ESRRG: variants seen among roughly 807,000 people sequenced by gnomAD.
ESRRG encodes the protein estrogen related receptor gamma.
Under a neutral mutation model 44.0 loss-of-function variants are expected in ESRRG, and 13 were observed. The ratio of observed to expected loss-of-function variants is 0.30; its 90% CI spans 0.19 to 0.47. The LOEUF is 0.47. ESRRG is among the 20% of genes least tolerant of loss of function. The pLI, the probability that ESRRG is intolerant of heterozygous loss-of-function variation, is 1.00. For missense variants in ESRRG, 395 were observed against 580.6 expected (o/e 0.68, Z 3.29); for synonymous variants, 215 against 214.6 (o/e 1.00, Z -0.02).
At chr1:217,115,589 G>C (rs1580614315) in intron 1 of ESRRG, among the ~76,000 whole-genome samples, 1 of 152,038 alleles carries the variant, frequency 6.6e-6, no homozygotes, top group African/African-American at 2.4e-5. Flanking sequence ...TGTACTTGCT[G>C]TCCTCTCTAT....
intron 1 of ESRRG, among the ~76,000 whole-genome samples, chr1:217,133,657 T>TTCTTTCTTTCTCTCTCTCTC (rs2093004418): frequency 1.7e-5 from 1 of 59,064 alleles, no homozygotes. Flanking sequence ...CTTTCTTTCT[T>TTCTTTCTTTCTCTCTCTCTC]TCTTTCTTTC....
chr1:216,718,003 T>C (rs1439282201), intron 1 of ESRRG, among the ~76,000 whole-genome samples: 1 of 151,874 alleles, frequency 6.6e-6, no homozygotes, highest in African/African-American at 2.4e-5. Flanking sequence ...TTCTTTCCTA[T>C]TTTACAAATT....
intron 1 of ESRRG, among the ~76,000 whole-genome samples, chr1:217,131,281 A>T (rs2092961896): frequency 2.0e-5 from 3 of 152,360 alleles, no homozygotes. Context: ...GTCTATTTAA[A>T]GGTTAATATG....
At chr1:217,029,125 G>A (rs545320523) in intron 1 of ESRRG, among the ~76,000 whole-genome samples, 13 of 152,044 alleles carry the variant, frequency 8.6e-5, no homozygotes, top group African/African-American at 3.1e-4. Context: ...TTTTGGCCAT[G>A]ACTTACCTGT....
chr1:217,005,123 G>A (rs1376690040), intron 1 of ESRRG, among the ~76,000 whole-genome samples: 1 of 152,174 alleles, frequency 6.6e-6, no homozygotes, highest in Non-Finnish European at 1.5e-5. Flanking sequence ...CCAAAGAGAT[G>A]TCTTAGTTAG....
At chr1:217,029,247 C>T (rs2081672340) in intron 1 of ESRRG, among the ~76,000 whole-genome samples, 2 of 152,130 alleles carry the variant, frequency 1.3e-5, no homozygotes, top group African/African-American at 4.8e-5. Context: ...AGTGTAAAAG[C>T]AGAGGGCATA....
intron 2 of ESRRG, among the ~76,000 whole-genome samples, chr1:216,761,944 C>A (rs894942701): frequency 2.0e-5 from 3 of 152,206 alleles, no homozygotes; most frequent in South Asian, 4.1e-4. Context: ...TCAAGTACTA[C>A]GATAATGGTA....
At position 216,702,868 on chromosome 1, in the gene ESRRG, T is replaced by C. The variant is rs578130986; in HGVS notation, c.56+20376A>G. Among the ~76,000 whole-genome samples, 173 of 151,568 alleles carry C rather than the reference T, an allele frequency of 1.1e-3. 1 individual carries two copies. Among genetic ancestry groups the C allele is most frequent in the Admixed American group, 2.7e-3 (41 of 15,230 alleles). On this transcript the variant is annotated intron_variant, in intron 1 of 6. Coordinates refer to ENST00000408911, the MANE Select transcript of ESRRG (RefSeq NM_001438.4). The stretch of plus-strand genomic sequence containing the variant: ...GTACATGTGAATTATTCTAGTATTC[T>C]AGTCCTGTCCATATTCGATCAGAGA...
intron 4 of ESRRG, among the ~76,000 whole-genome samples, chr1:216,567,270 T>C (rs1016595532): frequency 3.3e-5 from 5 of 152,204 alleles, no homozygotes; most frequent in Non-Finnish European, 7.3e-5. Flanking sequence ...TAGGATACAG[T>C]GATTGCCTCA....
chr1:217,117,682 G>T (rs1356734440), intron 1 of ESRRG, among the ~76,000 whole-genome samples: 1 of 151,990 alleles, frequency 6.6e-6, no homozygotes, highest in African/African-American at 2.4e-5. Context: ...ACAAATACTT[G>T]ATATTATTAT....
intron 5 of ESRRG, among the ~76,000 whole-genome samples, chr1:216,536,267 T>A (rs1470976386): frequency 2.0e-5 from 3 of 152,050 alleles, no homozygotes; most frequent in Non-Finnish European, 4.4e-5. Context: ...TATTTCTGGT[T>A]TTTTACAGGT....
intron 2 of ESRRG, among the ~76,000 whole-genome samples, chr1:216,835,342 C>T (rs539348795): frequency 1.2e-4 from 19 of 152,256 alleles, no homozygotes; most frequent in African/African-American, 3.6e-4. Flanking sequence ...GAGTGACGTA[C>T]GGAAATCGGA....
At chr1:216,734,722 G>A (rs2089529719) in intron 2 of ESRRG, among the ~76,000 whole-genome samples, 1 of 152,030 alleles carries the variant, frequency 6.6e-6, no homozygotes, top group Non-Finnish European at 1.5e-5. Context: ...TACAACTTGA[G>A]TTTTTTAAAA....
In ESRRG at chr1:216,581,005, G is replaced by A. The variant is rs115504881; in HGVS notation, c.590-12907C>T. 1.3e-3 allele frequency among the ~76,000 whole-genome samples: 196 copies of A among 152,312 alleles called. 1 individual carries two copies. Among genetic ancestry groups the A allele is most frequent in the African/African-American group, 4.5e-3 (187 of 41,572 alleles). ...TTGCATTAGGAAAAGATCAATGTCT[G>A]TTGCACATCACTATGGAAACTGAAG... is the stretch of plus-strand genomic sequence containing the variant. On this transcript the variant is annotated intron_variant, in intron 3 of 6. Coordinates refer to ENST00000408911, the MANE Select transcript of ESRRG (RefSeq NM_001438.4).
intron 1 of ESRRG, among the ~76,000 whole-genome samples, chr1:217,001,218 T>C (rs988206622): frequency 6.6e-6 from 1 of 152,336 alleles, no homozygotes. Context: ...GGTTCTTTTT[T>C]TTATGCTGGA....
At chr1:216,623,348 T>C (rs1451358338) in intron 3 of ESRRG, among the ~76,000 whole-genome samples, 2 of 152,106 alleles carry the variant, frequency 1.3e-5, no homozygotes, top group Non-Finnish European at 2.9e-5. Flanking sequence ...ATATGATACA[T>C]AGAACAGGGA....
chr1:216,642,636 G>A (rs529928237), intron 3 of ESRRG, among the ~76,000 whole-genome samples: 11 of 152,186 alleles, frequency 7.2e-5, no homozygotes, highest in Admixed American at 5.2e-4. Flanking sequence ...TGAGGTCAAC[G>A]CAGTTCTATT....
intron 1 of ESRRG, among the ~76,000 whole-genome samples, chr1:217,002,090 C>A (rs1170793173): frequency 6.6e-6 from 1 of 151,456 alleles, no homozygotes; most frequent in Non-Finnish European, 1.5e-5. Flanking sequence ...TCACTTGAGG[C>A]CAGAAATTTG....
At chr1:217,136,291 A>G (rs2093048421) in intron 1 of ESRRG, among the ~76,000 whole-genome samples, 1 of 152,228 alleles carries the variant, frequency 6.6e-6, no homozygotes, top group African/African-American at 2.4e-5. Context: ...GTACTGGGAC[A>G]GGAATTTAGG....
Sources: allele counts gnomAD v4.1 joint callset (sites outside exome capture counted in the v4.1 genomes callset), GRCh38; gene constraint gnomAD v4.1.1; transcripts MANE v1.5; gene names NCBI Gene and HGNC (gene_info 2026-07-23, HGNC 2026-07-21).